Variants in ARHGEF12 observed in about 807,000 individuals in gnomAD.
ARHGEF12 encodes the protein Rho guanine nucleotide exchange factor 12.
ARHGEF12 carries 66 observed loss-of-function variants against 211.2 expected under a neutral mutation model. That is an observed-to-expected ratio of 0.31 (90% CI 0.26 to 0.38). The LOEUF (loss-of-function observed/expected upper bound fraction) is 0.38, where lower values mean the gene tolerates loss of function less well. Ranked by LOEUF, ARHGEF12 falls within the 10% of genes least tolerant of loss-of-function variation. The pLI is 1.00. For synonymous variants in ARHGEF12, 592 were observed against 638.4 expected, an observed-to-expected ratio of 0.93 and a Z score of 1.09; for missense variants, 1,429 against 1,869.5, an observed-to-expected ratio of 0.76 and a Z score of 4.34.
rs532046130 is a variant in ARHGEF12, at chr11:120,406,550, TTTTTA to T, written c.56+429_56+433del. ...ACTAGTTTAGTCTTAATTACTTTATTTTTTATTTTATTTTATTTTATTTTTTGAGA... is the reference window on the plus strand; with the variant it reads ...ACTAGTTTAGTCTTAATTACTTTATTTTTTATTTTATTTTATTTTTTGAGA... On this transcript the variant is annotated intron_variant, in intron 2 of 40. Coordinates refer to ENST00000397843, the MANE Select transcript of ARHGEF12 (RefSeq NM_015313.3). 2.6e-3 allele frequency among the ~76,000 whole-genome samples: 392 copies of T among 152,082 alleles called. 4 individuals carry two copies. The highest frequency in any genetic ancestry group is 0.02 in the Admixed American group (299 of 15,272).
At chr11:120,426,741 T>C (rs186759970) in intron 7 of ARHGEF12, among the ~76,000 whole-genome samples, 27 of 152,334 alleles carry the variant, frequency 1.8e-4, no homozygotes, top group African/African-American at 6.5e-4. Flanking sequence ...GTGAAATAAT[T>C]GATAATGATT....
At chr11:120,351,224 G>A (rs1942929486) in intron 1 of ARHGEF12, among the ~76,000 whole-genome samples, 1 of 148,930 alleles carries the variant, frequency 6.7e-6, no homozygotes, top group Non-Finnish European at 1.5e-5. Flanking sequence ...GGTAGCAGGC[G>A]CCTGTAGTCC....
intron 6 of ARHGEF12, among the ~76,000 whole-genome samples, chr11:120,422,265 TCA>T (rs1945214815): frequency 6.6e-6 from 1 of 152,222 alleles, no homozygotes; most frequent in Non-Finnish European, 1.5e-5. Flanking sequence ...ATGTGATGGG[TCA>T]CAGTCAAAAG....
intron 1 of ARHGEF12, among the ~76,000 whole-genome samples, chr11:120,395,674 GA>G (rs1244126245): frequency 6.6e-6 from 1 of 152,148 alleles, no homozygotes; most frequent in Non-Finnish European, 1.5e-5. Flanking sequence ...AGCAGGCAAG[GA>G]GAGCTCGTGC....
intron 1 of ARHGEF12, among the ~76,000 whole-genome samples, chr11:120,351,506 C>T (rs190296495): frequency 4.1e-4 from 51 of 123,500 alleles, no homozygotes; most frequent in Admixed American, 2.2e-3. Flanking sequence ...CTCTGTTGCC[C>T]AGGCTGGAGG....
rs564036028 is a variant in ARHGEF12, at chr11:120,408,533, A to G, written c.142+710A>G. 4.6e-5 allele frequency: 7 copies of G among 152,236 alleles called. No homozygotes were observed. In the East Asian group the frequency reaches 9.7e-4, roughly 21 times the overall value. 9.4% of individuals were successfully genotyped at this position (152,236 alleles called of 1,614,324 possible). On this transcript the variant is annotated intron_variant, in intron 3 of 40. Coordinates refer to ENST00000397843, the MANE Select transcript of ARHGEF12 (RefSeq NM_015313.3). ...AAACTGATATATATTTTTTGTGCAC[A>G]TACTATTTTATTCAGTTGCCTGTCC...
At chr11:120,393,258 A>T (rs1453634574) in intron 1 of ARHGEF12, among the ~76,000 whole-genome samples, 4 of 151,464 alleles carry the variant, frequency 2.6e-5, no homozygotes, top group South Asian at 2.1e-4. Context: ...GTTGATTAAA[A>T]TAATTTAAAA....
intron 40 of ARHGEF12, 73 bp from the exon 41 acceptor site, chr11:120,484,994 T>C: frequency 6.7e-7 from 1 of 1,489,318 alleles, no homozygotes; most frequent in Non-Finnish European, 9.3e-7. Flanking sequence ...CCCACAGATG[T>C]CATGGGTATT....
rs914729096 is a variant in ARHGEF12, at chr11:120,449,006, C to A, written c.1738-103C>A. On this transcript the variant is annotated intron_variant, in intron 20 of 40. Coordinates refer to ENST00000397843, the MANE Select transcript of ARHGEF12 (RefSeq NM_015313.3). ...ACACACGTGTACGGGTTTTCATTTA[C>A]ACTTAACAATTTCTTTGAACTAACC... The A allele has an allele frequency of 3.1e-6, 3 of 970,990 alleles. No individual in the cohort carries two copies. In the South Asian group the frequency reaches 4.9e-5, roughly 16 times the overall value. 60.1% of individuals were successfully genotyped at this position (970,990 alleles called of 1,614,324 possible).
At chr11:120,373,001 G>A (rs1226430798) in intron 1 of ARHGEF12, among the ~76,000 whole-genome samples, 2 of 147,772 alleles carry the variant, frequency 1.4e-5, no homozygotes, top group African/African-American at 5.1e-5. Context: ...CGTATTACCA[G>A]TATAATCTAA....
intron 38 of ARHGEF12, 99 bp from the exon 39 acceptor site, chr11:120,481,161 C>T: frequency 9.0e-7 from 1 of 1,113,688 alleles, no homozygotes; most frequent in Non-Finnish European, 1.3e-6. Flanking sequence ...TTTTCCCTCT[C>T]TTAATAACTT....
intron 15 of ARHGEF12, among the ~76,000 whole-genome samples, chr11:120,443,014 T>C (rs1219490399): frequency 6.7e-6 from 1 of 149,064 alleles, no homozygotes; most frequent in Non-Finnish European, 1.5e-5. Context: ...TGCTATGGAG[T>C]GACTGTCTTT....
intron 18 of ARHGEF12, among the ~76,000 whole-genome samples, chr11:120,447,512 T>C (rs1325336783): frequency 6.6e-6 from 1 of 152,158 alleles, no homozygotes; most frequent in Non-Finnish European, 1.5e-5. Context: ...TTATTTCAGG[T>C]ATCTGAGTTA....
chr11:120,479,706 C>T (rs1400074120), intron 37 of ARHGEF12, among the ~76,000 whole-genome samples: 3 of 152,220 alleles, frequency 2.0e-5, no homozygotes, highest in Admixed American at 6.5e-5. Context: ...ATTCAGAATG[C>T]TTAGATCTTT....
At chr11:120,469,505 T>A (rs1276451070) in intron 30 of ARHGEF12, 117 bp downstream of exon 30, 1 of 848,348 alleles carries the variant, frequency 1.2e-6, no homozygotes, top group Non-Finnish European at 1.8e-6. Context: ...AGGGAGAACA[T>A]TTGTTTACTG....
At chr11:120,483,749 G>A (rs1180215696) in intron 39 of ARHGEF12, among the ~76,000 whole-genome samples, 2 of 152,150 alleles carry the variant, frequency 1.3e-5, no homozygotes, top group African/African-American at 2.4e-5. Flanking sequence ...CCAGTAGCTG[G>A]GACTACAGGC....
intron 6 of ARHGEF12, 103 bp downstream of exon 6, chr11:120,421,955 CTTCT>C: frequency 2.0e-5 from 17 of 843,824 alleles, no homozygotes; most frequent in South Asian, 3.3e-5. Context: ...AAGCATCATA[CTTCT>C]ATGTATGATA....
chr11:120,400,000 C>T (rs7118391), intron 1 of ARHGEF12, among the ~76,000 whole-genome samples: 65,697 of 151,884 alleles, frequency 0.43, 14,591 homozygotes, highest in African/African-American at 0.53. Flanking sequence ...ATGTTGGAGC[C>T]TGTCTCAACG....
At chr11:120,465,741 G>T (rs1014315390) in intron 28 of ARHGEF12, among the ~76,000 whole-genome samples, 3 of 152,160 alleles carry the variant, frequency 2.0e-5, no homozygotes, top group Non-Finnish European at 2.9e-5. Flanking sequence ...GGGATTACAG[G>T]TGTGAGCCAC....
Sources: allele counts gnomAD v4.1 joint callset (sites outside exome capture counted in the v4.1 genomes callset), GRCh38; gene constraint gnomAD v4.1.1; transcripts MANE v1.5; gene names NCBI Gene and HGNC (gene_info 2026-07-23, HGNC 2026-07-21).